Variants in SLC24A3 observed in about 807,000 individuals in gnomAD.
SLC24A3 encodes the protein sodium/potassium/calcium exchanger 3.
In SLC24A3, 28 loss-of-function variants were observed where a neutral mutation model predicts 75.8. That is an observed-to-expected ratio of 0.37 (90% CI 0.27 to 0.51). The LOEUF is 0.51. Among genes scored for constraint, SLC24A3 ranks in the 20% least tolerant of loss-of-function variants. The probability of loss-of-function intolerance (pLI) is 0.94; values close to 1 mark genes in which losing one functional copy is unlikely to be tolerated. For missense variants in SLC24A3, 663 were observed against 847.8 expected, an observed-to-expected ratio of 0.78 and a Z score of 2.71; for synonymous variants, 372 against 334.1, an observed-to-expected ratio of 1.11 and a Z score of -1.24.
chr20:19,516,202 T>G (rs1486652288), intron 3 of SLC24A3, among the ~76,000 whole-genome samples: 1 of 152,218 alleles, frequency 6.6e-6, no homozygotes, highest in Non-Finnish European at 1.5e-5. Context: ...CCCAGCATCT[T>G]CTGCCACAGA....
chr20:19,390,536 T>TG (rs1986348399), intron 2 of SLC24A3, among the ~76,000 whole-genome samples: 1 of 151,970 alleles, frequency 6.6e-6, no homozygotes, highest in Non-Finnish European at 1.5e-5. Flanking sequence ...GGCCTGGCAC[T>TG]GGGGCAGGCC....
intron 2 of SLC24A3, among the ~76,000 whole-genome samples, chr20:19,414,013 A>C (rs1267395412): frequency 6.6e-6 from 1 of 152,250 alleles, no homozygotes; most frequent in Non-Finnish European, 1.5e-5. Flanking sequence ...GGTAAAGGAC[A>C]AACAAATCTC....
At chr20:19,466,120 G>C (rs1987761589) in intron 2 of SLC24A3, among the ~76,000 whole-genome samples, 1 of 152,198 alleles carries the variant, frequency 6.6e-6, no homozygotes, top group African/African-American at 2.4e-5. Context: ...AAGTACAAAT[G>C]TATTTTCACT....
intron 6 of SLC24A3, among the ~76,000 whole-genome samples, chr20:19,598,347 T>C (rs1000249436): frequency 2.6e-5 from 4 of 152,168 alleles, no homozygotes; most frequent in Non-Finnish European, 5.9e-5. Flanking sequence ...CCAGATGGTG[T>C]GCAGACCATC....
At chr20:19,629,903 G>A (rs6081687) in intron 6 of SLC24A3, among the ~76,000 whole-genome samples, 41,638 of 152,036 alleles carry the variant, frequency 0.27, 5,756 homozygotes, top group African/African-American at 0.32. Context: ...ACTGAAGAGA[G>A]ACCTTCAAGT....
intron 3 of SLC24A3, among the ~76,000 whole-genome samples, chr20:19,572,905 A>G (rs2031076305): frequency 6.6e-6 from 1 of 152,234 alleles, no homozygotes; most frequent in Non-Finnish European, 1.5e-5. Flanking sequence ...AAAAACTTTT[A>G]TATTCCAAGC....
intron 8 of SLC24A3, among the ~76,000 whole-genome samples, chr20:19,666,541 C>A (rs1305702305): frequency 6.6e-6 from 1 of 152,114 alleles, no homozygotes; most frequent in Non-Finnish European, 1.5e-5. Flanking sequence ...CCAAACCAAG[C>A]TCCATGTTCC....
chr20:19,315,201 C>T (rs907567308), intron 2 of SLC24A3, among the ~76,000 whole-genome samples: 3 of 152,174 alleles, frequency 2.0e-5, no homozygotes, highest in Admixed American at 2.0e-4. Context: ...AGGTTGGTTT[C>T]CTCTGTGCTG....
At chr20:19,702,938 T>C (rs2032890773) in intron 15 of SLC24A3, among the ~76,000 whole-genome samples, 1 of 152,214 alleles carries the variant, frequency 6.6e-6, no homozygotes, top group East Asian at 1.9e-4. Flanking sequence ...CATGATTTGG[T>C]TAAAGCTGTG....
chr20:19,462,831 A>T (rs1049440393), intron 2 of SLC24A3, among the ~76,000 whole-genome samples: 4 of 152,174 alleles, frequency 2.6e-5, no homozygotes, highest in African/African-American at 9.7e-5. Context: ...TGCCTTCCAC[A>T]TCCCTAGCAA....
intron 2 of SLC24A3, among the ~76,000 whole-genome samples, chr20:19,330,198 C>T (rs1278635977): frequency 6.6e-6 from 1 of 152,156 alleles, no homozygotes. Flanking sequence ...CAGAGGTTTC[C>T]CTGGGCAGGG....
intron 2 of SLC24A3, among the ~76,000 whole-genome samples, chr20:19,320,564 A>G (rs1413808161): frequency 1.3e-5 from 2 of 151,932 alleles, no homozygotes; most frequent in African/African-American, 2.4e-5. Flanking sequence ...TCTCTCTGTT[A>G]TGCATTATGG....
chr20:19,697,482 GCCC>G (rs2122143266), intron 14 of SLC24A3: 1 of 152,916 alleles, frequency 6.5e-6, no homozygotes, highest in East Asian at 1.9e-4. Flanking sequence ...CACCTGCAGT[GCCC>G]TCTAAGTGAC....
chr20:19,534,058 G>A (rs185423952), intron 3 of SLC24A3, among the ~76,000 whole-genome samples: 133 of 152,362 alleles, frequency 8.7e-4, no homozygotes, highest in African/African-American at 3.0e-3. Flanking sequence ...CTGAGATTCC[G>A]GAAGCCTTTG....
At chr20:19,287,925 G>A (rs1983853602) in intron 2 of SLC24A3, among the ~76,000 whole-genome samples, 3 of 152,314 alleles carry the variant, frequency 2.0e-5, no homozygotes, top group South Asian at 4.1e-4. Flanking sequence ...TGCAAATTAA[G>A]ATGCCTTCTT....
intron 1 of SLC24A3, among the ~76,000 whole-genome samples, chr20:19,238,549 A>G (rs1363639725): frequency 6.6e-6 from 1 of 152,206 alleles, no homozygotes; most frequent in Non-Finnish European, 1.5e-5. Flanking sequence ...GTTTTCCAAC[A>G]TGGAGGTACC....
At chr20:19,555,854 T>G (rs866992735) in intron 3 of SLC24A3, among the ~76,000 whole-genome samples, 1 of 152,184 alleles carries the variant, frequency 6.6e-6, no homozygotes, top group Non-Finnish European at 1.5e-5. Flanking sequence ...GTCACAAAGA[T>G]GTACAAAAAG....
At chr20:19,431,082 C>A (rs1987093366) in intron 2 of SLC24A3, among the ~76,000 whole-genome samples, 1 of 151,902 alleles carries the variant, frequency 6.6e-6, no homozygotes, top group Non-Finnish European at 1.5e-5. Context: ...CTTTTATGCA[C>A]CCTGGGAAGA....
chr20:19,213,710 T>TA (rs1981474743), intron 1 of SLC24A3, among the ~76,000 whole-genome samples: 1 of 152,250 alleles, frequency 6.6e-6, no homozygotes, highest in South Asian at 2.1e-4. Flanking sequence ...GTCTGCCCTT[T>TA]AACCCACAAC....
Sources: allele counts gnomAD v4.1 joint callset (sites outside exome capture counted in the v4.1 genomes callset), GRCh38; gene constraint gnomAD v4.1.1; transcripts MANE v1.5; gene names NCBI Gene and HGNC (gene_info 2026-07-23, HGNC 2026-07-21).